DIAPH2: variants seen among roughly 807,000 people sequenced by gnomAD.
The protein encoded by DIAPH2 is protein diaphanous homolog 2.
In DIAPH2, 35 loss-of-function variants were observed where a neutral mutation model predicts 92.7. The observed-to-expected ratio is 0.38, with a 90% CI of 0.29 to 0.50. The LOEUF (loss-of-function observed/expected upper bound fraction) is 0.50, where lower values mean the gene tolerates loss of function less well. DIAPH2 is among the 20% of genes least tolerant of loss of function. The probability of loss-of-function intolerance (pLI) is 0.94; values close to 1 mark genes in which losing one functional copy is unlikely to be tolerated. For synonymous variants in DIAPH2, 301 were observed against 280.4 expected (o/e 1.07, Z -0.73); for missense variants, 701 against 819.5 (o/e 0.86, Z 1.77).
chrX:97,385,556 C>T (rs1454041160), intron 25 of DIAPH2, among the ~76,000 whole-genome samples: 1 of 111,387 alleles, frequency 9.0e-6, no homozygotes, highest in Non-Finnish European at 1.9e-5. Flanking sequence ...AGTCAATCCT[C>T]ACACCATCTC....
chrX:96,879,713 G>A (rs2065200924), intron 4 of DIAPH2, among the ~76,000 whole-genome samples: 1 of 111,113 alleles, frequency 9.0e-6, no homozygotes, highest in Non-Finnish European at 1.9e-5. Flanking sequence ...TTTAGGTGAT[G>A]ATGATTCATC....
At chrX:96,916,986 A>G (rs1402137562) in intron 8 of DIAPH2, among the ~76,000 whole-genome samples, 1 of 111,744 alleles carries the variant, frequency 8.9e-6, no homozygotes, top group East Asian at 2.8e-4. Context: ...TTTACTTTAT[A>G]TGCCATGGTA....
chrX:97,080,784 C>A (rs2066737748), intron 19 of DIAPH2, among the ~76,000 whole-genome samples: 1 of 111,153 alleles, frequency 9.0e-6, no homozygotes, highest in Non-Finnish European at 1.9e-5. Flanking sequence ...CTTCAACTTC[C>A]CTCAATTAAC....
At chrX:97,120,703 A>G (rs1407952149) in intron 21 of DIAPH2, among the ~76,000 whole-genome samples, 2 of 99,594 alleles carry the variant, frequency 2.0e-5, no homozygotes, top group Non-Finnish European at 3.9e-5. Flanking sequence ...TCCTTCTTCT[A>G]ATGTGGCCCA....
Position 96,971,044 on chromosome X carries a change from C to T in DIAPH2, c.2050+5837C>T, listed in dbSNP as rs138428439. Among the ~76,000 whole-genome samples, 265 of 111,900 alleles carry T rather than the reference C, an allele frequency of 2.4e-3. 1 individual carries two copies. Among genetic ancestry groups the T allele is most frequent in the African/African-American group, 8.2e-3 (253 of 30,845 alleles). On this transcript the variant is annotated intron_variant, in intron 17 of 26. Coordinates refer to ENST00000324765, the MANE Select transcript of DIAPH2 (RefSeq NM_006729.5). ...TTGCATATTTTCTATTGAGCATTTA[C>T]GCTTTTGATTATGGACTTATTTGAA... is the stretch of plus-strand genomic sequence containing the variant.
intron 5 of DIAPH2, among the ~76,000 whole-genome samples, chrX:96,900,960 G>A (rs184248709): frequency 2.7e-5 from 3 of 111,520 alleles, no homozygotes; most frequent in African/African-American, 6.5e-5. Flanking sequence ...TTGGTATTAC[G>A]GTGATACTGG....
At chrX:96,771,799 G>A (rs1027124310) in intron 4 of DIAPH2, among the ~76,000 whole-genome samples, 1 of 111,324 alleles carries the variant, frequency 9.0e-6, no homozygotes, top group Non-Finnish European at 1.9e-5. Flanking sequence ...CACTTTAGGA[G>A]GGTGAGATGG....
chrX:97,477,996 T>A (rs1412983435), intron 26 of DIAPH2, among the ~76,000 whole-genome samples: 1 of 111,468 alleles, frequency 9.0e-6, no homozygotes, highest in Non-Finnish European at 1.9e-5. Flanking sequence ...TTCTCAGCTG[T>A]ATCATAAATG....
intron 4 of DIAPH2, among the ~76,000 whole-genome samples, chrX:96,840,605 AT>A (rs1374325338): frequency 9.3e-6 from 1 of 107,692 alleles, no homozygotes; most frequent in Non-Finnish European, 1.9e-5. Context: ...TCATTTTGGG[AT>A]TTTTTTTTAT....
intron 4 of DIAPH2, among the ~76,000 whole-genome samples, chrX:96,834,191 T>C (rs754136573): frequency 8.9e-6 from 1 of 111,866 alleles, no homozygotes; most frequent in South Asian, 3.7e-4. Flanking sequence ...AAATCTGCAA[T>C]ACTCCAAACC....
intron 5 of DIAPH2, among the ~76,000 whole-genome samples, chrX:96,898,057 A>G (rs1374476957): frequency 1.1e-5 from 1 of 91,305 alleles, no homozygotes; most frequent in African/African-American, 4.0e-5. Context: ...ACATGAACTC[A>G]TCATTTTTTA....
At chrX:97,080,515 A>T (rs1602327325) in intron 19 of DIAPH2, among the ~76,000 whole-genome samples, 1 of 70,589 alleles carries the variant, frequency 1.4e-5, no homozygotes, top group East Asian at 5.5e-4. Context: ...TGGCTGTTTT[A>T]CTTTTCTGAA....
chrX:97,071,118 G>C (rs2066666836), intron 17 of DIAPH2, among the ~76,000 whole-genome samples: 2 of 111,275 alleles, frequency 1.8e-5, no homozygotes, highest in African/African-American at 6.5e-5. Context: ...AATGATTCTA[G>C]AAGTAATTTC....
At position 96,738,675 on chromosome X, in the gene DIAPH2, T is replaced by C; in HGVS notation, c.255T>C (p.Ser85=). ...QHPIDSQVAM[S]EFPAAQPLYD... The stretch of plus-strand genomic sequence containing the variant: ...CTATTGATTCTCAAGTCGCGATGAG[T>C]GAGTTTCCTGCAGCTCAGCCATTAT... The change falls in exon 3 of 27, where the codon AGT becomes AGC. Residue 85 remains serine, a synonymous_variant. Coordinates refer to ENST00000324765, the MANE Select transcript of DIAPH2 (RefSeq NM_006729.5). 1 of 1,208,420 alleles carries C rather than the reference T, an allele frequency of 8.3e-7. No homozygotes were observed. The highest frequency in any genetic ancestry group is 1.1e-6 in the Non-Finnish European group (1 of 893,093).
intron 21 of DIAPH2, among the ~76,000 whole-genome samples, chrX:97,130,130 G>A (rs759094910): frequency 1.8e-5 from 2 of 112,390 alleles, no homozygotes; most frequent in Non-Finnish European, 3.8e-5. Context: ...AGGATGTGGA[G>A]AAATTTGAAC....
intron 4 of DIAPH2, among the ~76,000 whole-genome samples, chrX:96,848,316 C>T (rs2064985964): frequency 8.9e-6 from 1 of 112,260 alleles, no homozygotes; most frequent in South Asian, 3.7e-4. Flanking sequence ...GCTGGGATTA[C>T]AGGCATGAGC....
intron 3 of DIAPH2, among the ~76,000 whole-genome samples, chrX:96,757,494 C>T (rs1019469715): frequency 8.9e-6 from 1 of 112,006 alleles, no homozygotes; most frequent in East Asian, 2.8e-4. Flanking sequence ...TGAAGAAAAA[C>T]AATTTGTCTA....
At chrX:97,370,978 A>T (rs1045957530) in intron 24 of DIAPH2, among the ~76,000 whole-genome samples, 1 of 111,835 alleles carries the variant, frequency 8.9e-6, no homozygotes, top group Non-Finnish European at 1.9e-5. Flanking sequence ...TGCACTTGAA[A>T]ATGTTACAAA....
chrX:96,735,609 A>G, intron 1 of DIAPH2, 149 bp from the exon 2 acceptor site: 1 of 387,163 alleles, frequency 2.6e-6, no homozygotes, highest in South Asian at 6.0e-5. Context: ...TCTTTAAAGA[A>G]TGTATTGTTT....
Sources: gnomAD v4.1 joint callset for allele counts (sites outside exome capture counted in the v4.1 genomes callset) on GRCh38, gnomAD v4.1.1 for gene constraint, MANE v1.5 for transcripts, NCBI Gene and HGNC (gene_info 2026-07-23, HGNC 2026-07-21) for gene names.